The following ZNF730 variants were observed in gnomAD, a reference collection of about 807,000 sequenced individuals.
ZNF730 encodes the protein putative zinc finger protein 730.
Under a neutral mutation model 12.6 loss-of-function variants are expected in ZNF730, and 12 were observed. The observed-to-expected ratio is 0.95, with a 90% CI of 0.61 to 1.54. ZNF730 has a LOEUF of 1.54. Among genes scored for constraint, ZNF730 ranks in the 40% most tolerant of loss-of-function variants. ZNF730 has a pLI of 0.00. For synonymous variants in ZNF730, 194 were observed against 195.8 expected, an observed-to-expected ratio of 0.99 and a Z score of 0.08; for missense variants, 643 against 583.5, an observed-to-expected ratio of 1.10 and a Z score of -1.05.
chr19:23,112,310 A>G (rs192208634), upstream of ZNF730, among the ~76,000 whole-genome samples: 627 of 152,292 alleles, frequency 4.1e-3, 15 homozygotes, highest in Non-Finnish European at 2.1e-3. Flanking sequence ...AAGTTTGTTT[A>G]TGGCTCTACA....
intron 1 of ZNF730, among the ~76,000 whole-genome samples, chr19:23,089,163 G>T (rs760859329): frequency 1.3e-5 from 2 of 152,088 alleles, no homozygotes; most frequent in African/African-American, 4.8e-5. Flanking sequence ...GAGCCACCGC[G>T]CCTGGCTGAT....
rs1970996934 is a variant in ZNF730 at position 23,145,793 on chromosome 19, A to G, written c.749A>G (p.His250Arg). Residue 250 changes from histidine to arginine, a missense_variant, in exon 4 of 4, where the codon CAT becomes CGT. His to Arg is a conservative substitution (Grantham distance 29). Coordinates refer to ENST00000597761, the MANE Select transcript of ZNF730 (RefSeq NM_001277403.2). Reference sequence around the variant, plus strand: ...CATTTTACTACACATAAGAGAATTCATACTGGAGAAAAACCCTACCAATGT... The same window carrying G: ...CATTTTACTACACATAAGAGAATTCGTACTGGAGAAAAACCCTACCAATGT... ...FSHFTTHKRI[H>R]TGEKPYQCEK... The G allele has an allele frequency of 7.6e-6, 12 of 1,586,414 alleles. No homozygotes were observed. Among genetic ancestry groups the G allele is most frequent in the Non-Finnish European group, 9.4e-6 (11 of 1,167,754 alleles).
chr19:23,094,019 A>C (rs992814768), intron 1 of ZNF730, among the ~76,000 whole-genome samples: 3 of 152,180 alleles, frequency 2.0e-5, no homozygotes, highest in African/African-American at 7.2e-5. Context: ...CGGGGTCAGA[A>C]CTGCTTAGAT....
Position 23,146,035 on chromosome 19 carries a change from A to T in ZNF730, c.991A>T (p.Lys331Ter). 6.2e-7 allele frequency: 1 copy of T among 1,610,678 alleles called. No homozygotes were observed. The highest frequency in any genetic ancestry group is 8.5e-7 in the Non-Finnish European group (1 of 1,179,020). ...FKWSSTLTKH[K>*]RIHNGEKPYK... Reference sequence around the variant, plus strand: ...GTGGTCCTCAACCCTTACAAAACATAAAAGAATTCATAATGGAGAAAAACC... The same window carrying T: ...GTGGTCCTCAACCCTTACAAAACATTAAAGAATTCATAATGGAGAAAAACC... The change falls in exon 4 of 4, where the codon AAA becomes TAA. Residue 331 changes from lysine to a stop codon, truncating the protein, a stop_gained. Coordinates refer to ENST00000597761, the MANE Select transcript of ZNF730 (RefSeq NM_001277403.2). LOFTEE classifies it low-confidence loss of function (END_TRUNC).
intron 1 of ZNF730, among the ~76,000 whole-genome samples, chr19:23,107,461 A>T (rs1304651611): frequency 1.4e-5 from 2 of 146,808 alleles, no homozygotes; most frequent in Non-Finnish European, 3.0e-5. Context: ...AAAAAAAAAA[A>T]AAAAAAAAAA....
In ZNF730 at chr19:23,146,570, G is replaced by A. The variant is rs778660947; in HGVS notation, c.*14G>A. The A allele has an allele frequency of 6.3e-7, 1 of 1,589,866 alleles. No homozygotes were observed. The highest frequency in any genetic ancestry group is 1.1e-5 in the South Asian group (1 of 88,514). On this transcript the variant is annotated 3_prime_UTR_variant, in exon 4 of 4. Transcript: ENST00000597761. ...ATTCATACATAAAATTGTAAAGACT[G>A]TGGCAAAGCTTTTAAACAATCTTTA...
chr19:23,076,280 G>A (rs1969858806), intron 1 of ZNF730, among the ~76,000 whole-genome samples: 1 of 152,050 alleles, frequency 6.6e-6, no homozygotes, highest in South Asian at 2.1e-4. Flanking sequence ...TTAAAGATTT[G>A]TTTTCTGTCT....
chr19:23,104,301 CAAAA>C (rs56332917), intron 1 of ZNF730, among the ~76,000 whole-genome samples: 1 of 95,880 alleles, frequency 1.0e-5, no homozygotes. Context: ...GACTCCATCT[CAAAA>C]AAAAAAAAAA....
At chr19:23,076,371 G>A (rs1430673295) in intron 1 of ZNF730, among the ~76,000 whole-genome samples, 3 of 152,094 alleles carry the variant, frequency 2.0e-5, no homozygotes, top group Non-Finnish European at 4.4e-5. Flanking sequence ...AATTATCTCT[G>A]CCTCTCCCAC....
chr19:23,106,634 A>G (rs902152741), intron 1 of ZNF730, among the ~76,000 whole-genome samples: 3 of 151,864 alleles, frequency 2.0e-5, no homozygotes, highest in African/African-American at 7.3e-5. Flanking sequence ...TCTACAAAAA[A>G]CACAAAATTA....
chr19:23,132,212 TG>T, intron 1 of ZNF730, among the ~76,000 whole-genome samples: 1 of 152,318 alleles, frequency 6.6e-6, no homozygotes, highest in South Asian at 2.1e-4. Context: ...GGTAAAGATG[TG>T]GTGCTTACAT....
intron 1 of ZNF730, among the ~76,000 whole-genome samples, chr19:23,092,212 T>C (rs10408218): frequency 0.44 from 66,342 of 152,004 alleles, 16,661 homozygotes; most frequent in African/African-American, 0.7. Context: ...GATGCCTCCC[T>C]AGCCATGTGG....
At chr19:23,116,573 CTTTTTTTTTT>C (rs5827552), upstream of ZNF730, among the ~76,000 whole-genome samples, 7 of 86,932 alleles carry the variant, frequency 8.1e-5, no homozygotes, top group East Asian at 3.8e-4. Flanking sequence ...CTCCCAGCTA[CTTTTTTTTTT>C]TTTTTTTTTT....
chr19:23,101,485 A>G (rs914622700), intron 1 of ZNF730, among the ~76,000 whole-genome samples: 1 of 152,214 alleles, frequency 6.6e-6, no homozygotes, highest in Non-Finnish European at 1.5e-5. Context: ...ACCTGGACAT[A>G]TATGGAATTT....
rs550365392 is a variant in ZNF730, at chr19:23,136,076, A to G, written c.226+33A>G. On this transcript the variant is annotated intron_variant, in intron 3 of 3. Transcript: ENST00000597761. ...ACAGTAAATACAATACACAAAACTG[A>G]TAAGAGATCTATAGTTTAAAAAAAG... The G allele has an allele frequency of 6.1e-5, 89 of 1,454,874 alleles. No individual in the cohort carries two copies. In the African/African-American group the frequency reaches 7.8e-4, roughly 13 times the overall value. The allele number at this position is 1,454,874 out of a possible 1,614,324, so 90.1% of individuals were successfully genotyped here.
upstream of ZNF730, among the ~76,000 whole-genome samples, chr19:23,112,743 A>AC (rs1005907290): frequency 2.6e-5 from 4 of 152,188 alleles, no homozygotes; most frequent in Admixed American, 2.6e-4. Flanking sequence ...AAGAAAAAAA[A>AC]AAAAAAACTG....
At chr19:23,095,326 G>A in intron 1 of ZNF730, 1 of 398,552 alleles carries the variant, frequency 2.5e-6, no homozygotes, top group Non-Finnish European at 4.4e-6. Flanking sequence ...CGTGTGCCCT[G>A]TCCATGTGGG....
intron 1 of ZNF730, among the ~76,000 whole-genome samples, chr19:23,107,663 G>A (rs906999887): frequency 2.7e-5 from 4 of 150,544 alleles, no homozygotes; most frequent in South Asian, 2.1e-4. Context: ...TGATTTCCAC[G>A]TATATTTCTG....
upstream of ZNF730, among the ~76,000 whole-genome samples, chr19:23,113,920 C>A (rs1970483820): frequency 6.6e-6 from 1 of 152,160 alleles, no homozygotes; most frequent in Non-Finnish European, 1.5e-5. Flanking sequence ...TACCCCCTTT[C>A]ATGTTTAAGT....
Sources: allele counts gnomAD v4.1 joint callset (sites outside exome capture counted in the v4.1 genomes callset), GRCh38; gene constraint gnomAD v4.1.1; transcripts MANE v1.5; gene names NCBI Gene and HGNC (gene_info 2026-07-23, HGNC 2026-07-21).